INO80D: variants seen among roughly 807,000 people sequenced by gnomAD.
INO80D encodes INO80 complex subunit D.
INO80D carries 21 observed loss-of-function variants against 87.6 expected under a neutral mutation model. That is an observed-to-expected ratio of 0.24 (90% confidence interval 0.17 to 0.35). The LOEUF is 0.35. INO80D is among the 10% of genes least tolerant of loss of function. INO80D has a pLI of 1.00. For missense variants in INO80D, 982 were observed against 1,280.7 expected (o/e 0.77, Z 3.56); for synonymous variants, 440 against 491.0 (o/e 0.90, Z 1.37).
rs1688554956 is a variant in INO80D at position 206,024,693 on chromosome 2, T to A, written c.1298+3418A>T. Among the ~76,000 whole-genome samples the A allele has an allele frequency of 2.0e-5, 3 of 152,302 alleles. No individual in the cohort carries two copies. The South Asian group carries it at 6.2e-4, about 32-fold the overall frequency. ...AAAATAAAATATCAAAAAACAGGTA[T>A]ATAAGTAATATGACCAACAGCTACA... On this transcript the variant is annotated intron_variant, in intron 6 of 10. Coordinates refer to ENST00000403263, the MANE Select transcript of INO80D (RefSeq NM_017759.5).
At chr2:206,042,810 G>A (rs571589064) in intron 5 of INO80D, among the ~76,000 whole-genome samples, 4 of 151,892 alleles carry the variant, frequency 2.6e-5, no homozygotes, top group Non-Finnish European at 2.9e-5. Flanking sequence ...CATAGTAAGA[G>A]CCTATCTCTA....
At chr2:206,024,976 G>A (rs902506880) in intron 6 of INO80D, among the ~76,000 whole-genome samples, 5 of 151,806 alleles carry the variant, frequency 3.3e-5, no homozygotes, top group African/African-American at 7.3e-5. Flanking sequence ...GGCTGGTCTC[G>A]AACTCCTGAC....
intron 8 of INO80D, among the ~76,000 whole-genome samples, chr2:206,013,280 G>A (rs540214743): frequency 2.0e-4 from 30 of 152,158 alleles, no homozygotes; most frequent in Admixed American, 1.3e-3. Context: ...GAGGCCAGGC[G>A]CGGTGGCTTA....
At chr2:206,025,542 A>AAAAATATATATATAT (rs71301548) in intron 6 of INO80D, 8 of 76,940 alleles carry the variant, frequency 1.0e-4, no homozygotes, top group African/African-American at 3.5e-4. Flanking sequence ...AAAAAAAAAA[A>AAAAATATATATATAT]ATATATATAT....
intron 1 of INO80D, among the ~76,000 whole-genome samples, chr2:206,071,835 C>T (rs185453738): frequency 4.3e-4 from 66 of 152,034 alleles, no homozygotes; most frequent in Admixed American, 3.8e-3. Context: ...TTTTCACTTT[C>T]CCTTGAGGCT....
At chr2:206,014,170 AAAAAC>A (rs1028074732) in intron 8 of INO80D, among the ~76,000 whole-genome samples, 2 of 152,082 alleles carry the variant, frequency 1.3e-5, no homozygotes, top group African/African-American at 4.8e-5. Flanking sequence ...AAAAAAAAAA[AAAAAC>A]AACCTATATT....
In INO80D at chr2:206,085,200, C is replaced by T. The variant is rs1690408233; in HGVS notation, c.-124+701G>A. On this transcript the variant is annotated intron_variant, in intron 1 of 10. Coordinates refer to ENST00000403263, the MANE Select transcript of INO80D (RefSeq NM_017759.5). This position sits in a 1 kb window ranked among gnomAD's most constrained non-coding sequence, Gnocchi z 4.5. ...AAGGAAACTTTCTGGGCCGCGGCTG[C>T]ACCTGACTCCTCACCGCCCCTCCAC... is the stretch of plus-strand genomic sequence containing the variant. 6.6e-6 allele frequency among the ~76,000 whole-genome samples: 1 copy of T among 152,168 alleles called. No homozygotes were observed. Among genetic ancestry groups the T allele is most frequent in the Non-Finnish European group, 1.5e-5 (1 of 68,010 alleles).
At chr2:206,053,959 C>G (rs1689442902) in intron 4 of INO80D, among the ~76,000 whole-genome samples, 1 of 151,994 alleles carries the variant, frequency 6.6e-6, no homozygotes, top group African/African-American at 2.4e-5. Flanking sequence ...CCTGCCTCAG[C>G]CTCCCAAGTA....
chr2:206,068,405 A>G (rs764289079), intron 1 of INO80D, among the ~76,000 whole-genome samples: 11 of 151,628 alleles, frequency 7.3e-5, no homozygotes, highest in Non-Finnish European at 1.5e-4. Context: ...TGGCCACACT[A>G]CATTTTAGAT....
intron 6 of INO80D, among the ~76,000 whole-genome samples, chr2:206,020,603 T>C (rs891416002): frequency 5.3e-5 from 8 of 152,130 alleles, no homozygotes; most frequent in Non-Finnish European, 8.8e-5. Flanking sequence ...TTTCATTATT[T>C]AAATTTTTTT....
In INO80D at chr2:206,004,243, A is replaced by AG; in HGVS notation, c.*124dup. On this transcript the variant is annotated 3_prime_UTR_variant, in exon 11 of 11. Coordinates refer to ENST00000403263, the MANE Select transcript of INO80D (RefSeq NM_017759.5). This position sits in a 1 kb window ranked among gnomAD's most constrained non-coding sequence, Gnocchi z 4.9. The stretch of plus-strand genomic sequence containing the variant: ...TGCAGGGCCACTCATTGAACTGGGA[A>AG]GGGGGGTGCCCCTCTGATCCCCATC... The AG allele has an allele frequency of 1.2e-6, 1 of 863,236 alleles. No individual in the cohort carries two copies. 53.5% of individuals were successfully genotyped at this position (863,236 alleles called of 1,614,324 possible). A position where few individuals can be genotyped will look rare whatever the true frequency, so the allele number is the denominator to read the frequency against.
At chr2:206,042,742 C>T (rs1202557615) in intron 5 of INO80D, among the ~76,000 whole-genome samples, 2 of 151,170 alleles carry the variant, frequency 1.3e-5, no homozygotes, top group East Asian at 3.9e-4. Flanking sequence ...CCCAATACTT[C>T]GGAAGGTCAA....
chr2:206,004,576 G>T lies in INO80D; in HGVS notation c.2876C>A (p.Ser959Tyr). 1 of 1,611,496 alleles carries T rather than the reference G, an allele frequency of 6.2e-7. No individual in the cohort carries two copies. The highest frequency in any genetic ancestry group is 8.5e-7 in the Non-Finnish European group (1 of 1,178,856). Residue 959 changes from serine (S) to tyrosine (Y), a missense_variant, in exon 11 of 11, where the codon TCT (serine) becomes TAT (tyrosine). By Grantham distance (144) the Ser-to-Tyr change is moderately radical (BLOSUM62 -2). Transcript: ENST00000403263. This position sits in a 1 kb window ranked among gnomAD's most constrained non-coding sequence, Gnocchi z 4.9. The part of the protein sequence containing the change: ...PQTSFSGMGP[S>Y]AELMASTSPK... ...AGAGGTGGAGGCCATTAGTTCAGCAGAAGGCCCCATGCCACTGAAGCTGGT... is the reference window on the plus strand; with the variant it reads ...AGAGGTGGAGGCCATTAGTTCAGCATAAGGCCCCATGCCACTGAAGCTGGT...
At chr2:206,006,429 T>G (rs954525934) in intron 10 of INO80D, among the ~76,000 whole-genome samples, 1 of 152,144 alleles carries the variant, frequency 6.6e-6, no homozygotes, top group East Asian at 1.9e-4. Flanking sequence ...GTGCTTGTAA[T>G]CCCAGCACGT....
At chr2:206,064,506 G>A (rs533404876) in intron 1 of INO80D, among the ~76,000 whole-genome samples, 15 of 152,256 alleles carry the variant, frequency 9.9e-5, no homozygotes, top group South Asian at 2.1e-4. Context: ...CAGAAGACAC[G>A]GTTGTTCAAG....
chr2:206,055,165 T>C (rs1267621782), intron 4 of INO80D, among the ~76,000 whole-genome samples: 1 of 152,244 alleles, frequency 6.6e-6, no homozygotes, highest in Non-Finnish European at 1.5e-5. Context: ...CATATTTCTA[T>C]TGCTGTCATA....
rs1216164947 is a variant in INO80D, at chr2:206,048,444, G to C, written c.965-1832C>G. ...GACCGGGTTTTGCCATGTTGACCAG[G>C]CTGCTCTCGAACTCCTGAGCTCAAA... is the stretch of plus-strand genomic sequence containing the variant. On this transcript the variant is annotated intron_variant, in intron 4 of 10. Coordinates refer to ENST00000403263, the MANE Select transcript of INO80D (RefSeq NM_017759.5). Among the ~76,000 whole-genome samples, 3 of 151,608 alleles carry C rather than the reference G, an allele frequency of 2.0e-5. No homozygotes were observed. In the South Asian group the frequency reaches 6.3e-4, roughly 32 times the overall value.
chr2:206,060,623 C>T (rs57394423), intron 3 of INO80D, among the ~76,000 whole-genome samples: 20 of 151,008 alleles, frequency 1.3e-4, no homozygotes, highest in African/African-American at 4.4e-4. Context: ...TGCAATGGCG[C>T]GATCTCCGCT....
chr2:206,079,785 A>G (rs532206535), intron 1 of INO80D, among the ~76,000 whole-genome samples: 1 of 152,278 alleles, frequency 6.6e-6, no homozygotes, highest in South Asian at 2.1e-4. Context: ...CCTAACACAG[A>G]AACTCCTTAG....
Sources: gnomAD v4.1 joint callset for allele counts (sites outside exome capture counted in the v4.1 genomes callset) on GRCh38, gnomAD v4.1.1 for gene constraint, Gnocchi (gnomAD v3.1) non-coding constraint, MANE v1.5 for transcripts, NCBI Gene and HGNC (gene_info 2026-07-23, HGNC 2026-07-21) for gene names.